RAP1GDS1: variants seen among roughly 807,000 people sequenced by gnomAD.
RAP1GDS1 encodes Rap1 GTPase-GDP dissociation stimulator 1.
In RAP1GDS1, 35 loss-of-function variants were observed where a neutral mutation model predicts 71.1. That is an observed-to-expected ratio of 0.49 (90% CI 0.38 to 0.65). The LOEUF (loss-of-function observed/expected upper bound fraction) is 0.65, where lower values mean the gene tolerates loss of function less well. Among genes scored for constraint, RAP1GDS1 ranks in the 30% least tolerant of loss-of-function variants. The pLI, the probability that RAP1GDS1 is intolerant of heterozygous loss-of-function variation, is 0.00. For synonymous variants in RAP1GDS1, 229 were observed against 243.1 expected, an observed-to-expected ratio of 0.94 and a Z score of 0.54; for missense variants, 663 against 706.1, an observed-to-expected ratio of 0.94 and a Z score of 0.69.
chr4:98,352,048 CAA>C (rs1193035386), intron 3 of RAP1GDS1, among the ~76,000 whole-genome samples: 6 of 150,690 alleles, frequency 4.0e-5, no homozygotes, highest in Admixed American at 2.0e-4. Flanking sequence ...TTTTAGAAAA[CAA>C]AGTGAAAAAT....
At chr4:98,328,768 C>T (rs140217513) in intron 2 of RAP1GDS1, among the ~76,000 whole-genome samples, 95 of 152,260 alleles carry the variant, frequency 6.2e-4, no homozygotes, top group African/African-American at 2.1e-3. Context: ...CTGCAACCTC[C>T]ACGTCCTGGG....
intron 2 of RAP1GDS1, among the ~76,000 whole-genome samples, chr4:98,323,310 C>T (rs1372121725): frequency 6.8e-6 from 1 of 146,326 alleles, no homozygotes; most frequent in South Asian, 2.2e-4. Flanking sequence ...AGTCCAGGAC[C>T]AGATGGATTC....
At chr4:98,434,443 G>A (rs1750872656) in intron 13 of RAP1GDS1, among the ~76,000 whole-genome samples, 2 of 151,812 alleles carry the variant, frequency 1.3e-5, no homozygotes, top group South Asian at 4.2e-4. Context: ...ATCTCTGCTG[G>A]TTCTCTCTAC....
chr4:98,427,814 T>A (rs1409116827), intron 12 of RAP1GDS1, among the ~76,000 whole-genome samples: 1 of 151,990 alleles, frequency 6.6e-6, no homozygotes, highest in Non-Finnish European at 1.5e-5. Context: ...TCGATGTAGG[T>A]CCCATTAAAA....
chr4:98,270,402 T>C (rs1017740802), intron 1 of RAP1GDS1, among the ~76,000 whole-genome samples: 2 of 152,182 alleles, frequency 1.3e-5, no homozygotes, highest in Admixed American at 6.5e-5. Context: ...TGTTTTTCTT[T>C]AGTGTTCAAA....
intron 2 of RAP1GDS1, among the ~76,000 whole-genome samples, chr4:98,308,308 T>TATATATATAA (rs1729681871): frequency 1.7e-5 from 2 of 119,900 alleles, no homozygotes; most frequent in African/African-American, 7.3e-5. Flanking sequence ...TATATATATA[T>TATATATATAA]ATATATATAT....
intron 1 of RAP1GDS1, among the ~76,000 whole-genome samples, chr4:98,280,851 G>A (rs188312669): frequency 0.02 from 3,069 of 152,070 alleles, 96 homozygotes; most frequent in African/African-American, 0.068. Context: ...TCCCAGCACC[G>A]TTTATTAAAT....
chr4:98,317,432 A>G (rs1731100222), intron 2 of RAP1GDS1, among the ~76,000 whole-genome samples: 1 of 152,148 alleles, frequency 6.6e-6, no homozygotes, highest in Non-Finnish European at 1.5e-5. Flanking sequence ...GAACACAAAC[A>G]TCTCCAAATT....
chr4:98,280,179 G>A (rs1449099024), intron 1 of RAP1GDS1, among the ~76,000 whole-genome samples: 2 of 152,116 alleles, frequency 1.3e-5, no homozygotes, highest in African/African-American at 2.4e-5. Flanking sequence ...TTGAGGAATC[G>A]CCACACTGTT....
Position 98,343,240 on chromosome 4 carries a change from A to G in RAP1GDS1, c.214A>G (p.Ile72Val), listed in dbSNP as rs1205003971. ...CTGCAAAGCCAAAGTAGCTAACATC[A>G]TAGCAGAAGTAGCCAAAAATGGTGA... is the stretch of plus-strand genomic sequence containing the variant. ...SSCKAKVANIIAEVAKNEFMR... is the reference protein window; with the variant it reads ...SSCKAKVANIVAEVAKNEFMR... The change falls in exon 3 of 15, where the codon ATA (isoleucine) becomes GTA (valine). Residue 72 changes from isoleucine (I) to valine (V), a missense_variant. Coordinates refer to ENST00000408927, the MANE Select transcript of RAP1GDS1 (RefSeq NM_001100427.2). 2.5e-6 allele frequency: 4 copies of G among 1,605,938 alleles called. No homozygotes were observed. The highest frequency in any genetic ancestry group is 1.3e-5 in the African/African-American group (1 of 74,884).
chr4:98,416,265 A>T (rs1414658846), intron 7 of RAP1GDS1, among the ~76,000 whole-genome samples: 1 of 150,960 alleles, frequency 6.6e-6, no homozygotes, highest in East Asian at 1.9e-4. Context: ...ATTTAAATGA[A>T]CTGTCAAGAT....
At chr4:98,330,188 C>T (rs1019898378) in intron 2 of RAP1GDS1, among the ~76,000 whole-genome samples, 5 of 152,220 alleles carry the variant, frequency 3.3e-5, no homozygotes, top group Non-Finnish European at 2.9e-5. Flanking sequence ...TTTCTTAGTA[C>T]AGAACAAAAT....
chr4:98,363,579 A>G (rs188622584), intron 4 of RAP1GDS1, among the ~76,000 whole-genome samples: 1 of 152,104 alleles, frequency 6.6e-6, no homozygotes, highest in African/African-American at 2.4e-5. Context: ...GTTATGCAAG[A>G]TACTGTGAAC....
chr4:98,378,556 G>A (rs991883351), intron 4 of RAP1GDS1, among the ~76,000 whole-genome samples: 3 of 151,178 alleles, frequency 2.0e-5, no homozygotes, highest in Admixed American at 6.6e-5. Flanking sequence ...ACATAATAAC[G>A]TTCCCATATG....
At chr4:98,399,652 A>G (rs1359761832) in intron 6 of RAP1GDS1, among the ~76,000 whole-genome samples, 1 of 152,218 alleles carries the variant, frequency 6.6e-6, no homozygotes, top group Non-Finnish European at 1.5e-5. Context: ...AAGAAGATAC[A>G]AAAATGGCTA....
intron 4 of RAP1GDS1, among the ~76,000 whole-genome samples, chr4:98,357,896 T>C (rs1194862124): frequency 6.6e-6 from 1 of 151,992 alleles, no homozygotes; most frequent in East Asian, 1.9e-4. Context: ...GTGGATTAAG[T>C]ATGTTTATAT....
Position 98,289,487 on chromosome 4 carries a change from A to G in RAP1GDS1, c.5-3921A>G, listed in dbSNP as rs73834405. On this transcript the variant is annotated intron_variant, in intron 1 of 14. Coordinates refer to ENST00000408927, the MANE Select transcript of RAP1GDS1 (RefSeq NM_001100427.2). ...TGACACACATGATGTTGTGTGAGAA[A>G]GTAATGGGAGATGGCATAATGTGAG... Among the ~76,000 whole-genome samples, 736 of 151,462 alleles carry G rather than the reference A, an allele frequency of 4.9e-3. 7 individuals are homozygous for G. The highest frequency in any genetic ancestry group is 0.018 in the South Asian group (84 of 4,792).
At chr4:98,367,493 C>T (rs1739673120) in intron 4 of RAP1GDS1, among the ~76,000 whole-genome samples, 1 of 152,168 alleles carries the variant, frequency 6.6e-6, no homozygotes, top group African/African-American at 2.4e-5. Flanking sequence ...GGCCACCATC[C>T]TCCAGACCCC....
At chr4:98,293,963 A>G (rs1193614430) in intron 2 of RAP1GDS1, among the ~76,000 whole-genome samples, 2 of 152,172 alleles carry the variant, frequency 1.3e-5, no homozygotes, top group African/African-American at 4.8e-5. Context: ...AAATAATTGT[A>G]CCTTAAAATA....
Sources: allele counts gnomAD v4.1 joint callset (sites outside exome capture counted in the v4.1 genomes callset), GRCh38; gene constraint gnomAD v4.1.1; transcripts MANE v1.5; gene names NCBI Gene and HGNC (gene_info 2026-07-23, HGNC 2026-07-21).